SPMIP10: variants seen among roughly 807,000 people sequenced by gnomAD.
SPMIP10 encodes sperm microtubule inner protein 10, also known as sperm-associated microtubule inner protein 10.
At chr5:126,632,509 G>T in the SPMIP10 span, 1 of 1,146,902 alleles carries the variant, frequency 8.7e-7, no homozygotes, top group Non-Finnish European at 1.3e-6. Flanking sequence ...GATTGTATTT[G>T]GCTCACAAGA....
chr5:126,635,932 G>C, the SPMIP10 span: 2 of 1,010,678 alleles, frequency 2.0e-6, no homozygotes, highest in Non-Finnish European at 3.0e-6. Flanking sequence ...AAATTGCTGG[G>C]ATTACAGGCA....
At chr5:126,635,196 A>ATG in the SPMIP10 span, among the ~76,000 whole-genome samples, 1 of 148,762 alleles carries the variant, frequency 6.7e-6, no homozygotes, top group East Asian at 2.0e-4. Flanking sequence ...ATATATATAT[A>ATG]TGAAACACAG....
At chr5:126,633,611 C>T in the SPMIP10 span, among the ~76,000 whole-genome samples, 1 of 152,112 alleles carries the variant, frequency 6.6e-6, no homozygotes, top group Non-Finnish European at 1.5e-5. Flanking sequence ...CCTACTGCCT[C>T]GGCCTTCCAA....
the SPMIP10 span, among the ~76,000 whole-genome samples, chr5:126,634,490 G>A: frequency 6.6e-6 from 1 of 152,156 alleles, no homozygotes; most frequent in Non-Finnish European, 1.5e-5. Context: ...TGCATTTCAT[G>A]TAATTTAGTG....
At chr5:126,634,724 TC>T in the SPMIP10 span, among the ~76,000 whole-genome samples, 1 of 152,310 alleles carries the variant, frequency 6.6e-6, no homozygotes, top group Middle Eastern at 3.4e-3. Context: ...TTGACAGTGT[TC>T]CTACCAATGA....
At chr5:126,636,261 T>C in the SPMIP10 span, 11 of 1,587,438 alleles carry the variant, frequency 6.9e-6, no homozygotes, top group East Asian at 2.5e-4. Context: ...AATAAAATAA[T>C]AAAGTGTTTC....
At chr5:126,632,493 TA>T in the SPMIP10 span, 1 of 1,047,958 alleles carries the variant, frequency 9.5e-7, no homozygotes. Flanking sequence ...GGAATGATGC[TA>T]AAATGATTGT....
At chr5:126,633,032 T>TATATATATATATATATATATATATAA in the SPMIP10 span, among the ~76,000 whole-genome samples, 18 of 146,494 alleles carry the variant, frequency 1.2e-4, no homozygotes, top group African/African-American at 4.0e-4. Context: ...TATATATATA[T>TATATATATATATATATATATATATAA]AATTTAGTAT....
At chr5:126,636,180 C>T in the SPMIP10 span, 53 of 1,613,988 alleles carry the variant, frequency 3.3e-5, no homozygotes, top group Non-Finnish European at 4.0e-5. Flanking sequence ...CCTTTGCATT[C>T]GCCTCTCTCC....
the SPMIP10 span, among the ~76,000 whole-genome samples, chr5:126,633,363 C>G: frequency 6.6e-6 from 1 of 151,914 alleles, no homozygotes; most frequent in East Asian, 1.9e-4. Context: ...TTTATTTATT[C>G]CTTTTTTTCT....
the SPMIP10 span, among the ~76,000 whole-genome samples, chr5:126,633,614 C>A: frequency 6.6e-6 from 1 of 152,098 alleles, no homozygotes; most frequent in Non-Finnish European, 1.5e-5. Flanking sequence ...ACTGCCTCGG[C>A]CTTCCAAAAT....
At chr5:126,636,109 T>G in the SPMIP10 span, 1 of 1,614,170 alleles carries the variant, frequency 6.2e-7, no homozygotes, top group South Asian at 1.1e-5. Context: ...GGCTTTGCCA[T>G]GGGGAAGATC....
chr5:126,632,552 A>C, the SPMIP10 span: 1 of 1,579,114 alleles, frequency 6.3e-7, no homozygotes, highest in Non-Finnish European at 8.7e-7. Context: ...TCAGGTATGA[A>C]GAGATTCATT....
the SPMIP10 span, among the ~76,000 whole-genome samples, chr5:126,633,032 T>TATATATATATATATATAA: frequency 2.0e-5 from 3 of 146,504 alleles, no homozygotes; most frequent in African/African-American, 5.1e-5. Flanking sequence ...TATATATATA[T>TATATATATATATATATAA]AATTTAGTAT....
chr5:126,632,258 TAA>T, the SPMIP10 span, among the ~76,000 whole-genome samples: 2,642 of 56,810 alleles, frequency 0.047, 35 homozygotes, highest in South Asian at 0.067. Context: ...TCCATCTCAT[TAA>T]AAAAAAAAAA....
chr5:126,634,674 C>T, the SPMIP10 span, among the ~76,000 whole-genome samples: 3 of 152,094 alleles, frequency 2.0e-5, no homozygotes, highest in Non-Finnish European at 2.9e-5. Flanking sequence ...GAGTATAATT[C>T]AGCATCATTT....
the SPMIP10 span, chr5:126,631,779 TAAC>T: frequency 6.2e-7 from 1 of 1,612,538 alleles, no homozygotes; most frequent in Non-Finnish European, 8.5e-7. Context: ...CTAAACTCAC[TAAC>T]AACTGCTCTG....
the SPMIP10 span, among the ~76,000 whole-genome samples, chr5:126,633,830 G>C: frequency 6.6e-6 from 1 of 151,468 alleles, no homozygotes; most frequent in Non-Finnish European, 1.5e-5. Context: ...TGCCCGGAGA[G>C]TTTTGGTATT....
chr5:126,633,029 AT>A, the SPMIP10 span, among the ~76,000 whole-genome samples: 1 of 146,802 alleles, frequency 6.8e-6, no homozygotes, highest in African/African-American at 2.5e-5. Context: ...ATATATATAT[AT>A]ATAATTTAGT....
Sources: allele counts gnomAD v4.1 joint callset (sites outside exome capture counted in the v4.1 genomes callset), GRCh38; gene constraint gnomAD v4.1.1; transcripts MANE v1.5; gene names NCBI Gene and HGNC (gene_info 2026-07-23, HGNC 2026-07-21).